PITPNM3: variants seen among roughly 807,000 people sequenced by gnomAD.
PITPNM3 encodes the protein PITPNM family member 3.
A neutral mutation model predicts 102.0 loss-of-function variants in PITPNM3; 26 were observed. The ratio of observed to expected loss-of-function variants is 0.25; its 90% CI spans 0.19 to 0.35. The LOEUF (loss-of-function observed/expected upper bound fraction) is 0.35. Ranked by LOEUF, PITPNM3 falls within the 10% of genes least tolerant of loss-of-function variation. The pLI, the probability that PITPNM3 is intolerant of heterozygous loss-of-function variation, is 1.00. For synonymous variants in PITPNM3, 578 were observed against 558.6 expected, an observed-to-expected ratio of 1.03 and a Z score of -0.49; for missense variants, 1,083 against 1,346.1, an observed-to-expected ratio of 0.80 and a Z score of 3.06.
intron 1 of PITPNM3, among the ~76,000 whole-genome samples, chr17:6,555,671 C>T (rs1015288378): frequency 6.6e-6 from 1 of 152,228 alleles, no homozygotes; most frequent in African/African-American, 2.4e-5. Flanking sequence ...AGCTCAGGGT[C>T]TGGCACAGAG....
At chr17:6,461,196 C>G (rs1014284142) in intron 18 of PITPNM3, among the ~76,000 whole-genome samples, 177 bp downstream of exon 18, 1 of 152,204 alleles carries the variant, frequency 6.6e-6, no homozygotes, top group African/African-American at 2.4e-5. Context: ...CCTCTGTCAA[C>G]GACGAGACTA....
At position 6,478,520 on chromosome 17, in the gene PITPNM3, AGAG is replaced by A. The variant is rs1253869998; in HGVS notation, c.777+24_777+26del. On this transcript the variant is annotated intron_variant, in intron 7 of 19. Coordinates refer to ENST00000262483, the MANE Select transcript of PITPNM3 (RefSeq NM_031220.4). The surrounding 1 kb of genome is among the most constrained non-coding windows in gnomAD (Gnocchi z 4.4). ...GGCCGGGGCCGGAACAGGGGAGGGG[AGAG>A]GAGGAGAGGGCAGGCTGTCCTACCT... 4 of 1,611,634 alleles carry A rather than the reference AGAG, an allele frequency of 2.5e-6. No homozygotes were observed. Among genetic ancestry groups the A allele is most frequent in the Admixed American group, 1.7e-5 (1 of 59,990 alleles).
At chr17:6,540,000 T>G (rs542924658) in intron 1 of PITPNM3, among the ~76,000 whole-genome samples, 3 of 152,224 alleles carry the variant, frequency 2.0e-5, no homozygotes, top group Non-Finnish European at 4.4e-5. Flanking sequence ...GGCTCCTCTA[T>G]GCGGTGGCCT....
Position 6,517,605 on chromosome 17 carries a change from G to T in PITPNM3, c.226+7751C>A, listed in dbSNP as rs1181062514. Among the ~76,000 whole-genome samples, 1 of 152,006 alleles carries T rather than the reference G, an allele frequency of 6.6e-6. No individual in the cohort carries two copies. The highest frequency in any genetic ancestry group is 1.5e-5 in the Non-Finnish European group (1 of 67,986). On this transcript the variant is annotated intron_variant, in intron 3 of 19. Coordinates refer to ENST00000262483, the MANE Select transcript of PITPNM3 (RefSeq NM_031220.4). The surrounding 1 kb of genome is among the most constrained non-coding windows in gnomAD (Gnocchi z 4.1). The stretch of plus-strand genomic sequence containing the variant: ...GACAGGGGCTCATTCTGTCACCCAG[G>T]CTGGGTTGCAGTGGAGCAAGCATGG...
chr17:6,504,375 G>A (rs968482170), intron 3 of PITPNM3, among the ~76,000 whole-genome samples: 2 of 152,082 alleles, frequency 1.3e-5, no homozygotes, highest in African/African-American at 4.8e-5. Flanking sequence ...AACTTCTCCA[G>A]GTGTTCATCA....
chr17:6,508,683 G>A (rs1435872284), intron 3 of PITPNM3, among the ~76,000 whole-genome samples: 3 of 152,172 alleles, frequency 2.0e-5, no homozygotes, highest in East Asian at 1.9e-4. Context: ...TGTTTGCCTC[G>A]GGCTTCGTCT....
intron 3 of PITPNM3, among the ~76,000 whole-genome samples, chr17:6,509,545 T>C (rs1907743044): frequency 1.3e-5 from 2 of 152,262 alleles, no homozygotes; most frequent in South Asian, 4.1e-4. Context: ...TTGGGAGCCC[T>C]GGCCAGGCTC....
At chr17:6,480,265 C>CAATTCCTG (rs1905584779) in intron 6 of PITPNM3, 1 of 152,326 alleles carries the variant, frequency 6.6e-6, no homozygotes, top group African/African-American at 2.4e-5. Flanking sequence ...GATCTGCCTG[C>CAATTCCTG]AATTCCTGTT....
At chr17:6,482,252 T>C (rs1179343483) in intron 6 of PITPNM3, among the ~76,000 whole-genome samples, 1 of 151,850 alleles carries the variant, frequency 6.6e-6, no homozygotes, top group East Asian at 2.0e-4. Flanking sequence ...CCCTGTTGGG[T>C]TTCCCGACTT....
chr17:6,499,483 C>T (rs535394982), intron 4 of PITPNM3, among the ~76,000 whole-genome samples: 29 of 152,178 alleles, frequency 1.9e-4, no homozygotes, highest in Admixed American at 1.5e-3. Context: ...GCAACTGAGG[C>T]AGCCGCAGGA....
chr17:6,497,641 C>T (rs919794130), intron 4 of PITPNM3, among the ~76,000 whole-genome samples: 9 of 152,216 alleles, frequency 5.9e-5, no homozygotes, highest in African/African-American at 2.2e-4. Context: ...TGTGGGAAGA[C>T]CCTCCCCGCA....
At position 6,470,430 on chromosome 17, in the gene PITPNM3, G is replaced by T; in HGVS notation, c.1625-22C>A. The stretch of plus-strand genomic sequence containing the variant: ...GTGACTGTGGGTCGGAGAGGAAGGT[G>T]AGGATGCGTGGCCGGCCCGGGGCCT... On this transcript the variant is annotated intron_variant, in intron 12 of 19. Transcript: ENST00000262483. The surrounding 1 kb of genome is among the most constrained non-coding windows in gnomAD (Gnocchi z 4.8). The T allele has an allele frequency of 6.2e-7, 1 of 1,613,962 alleles. No individual in the cohort carries two copies. Among genetic ancestry groups the T allele is most frequent in the South Asian group, 1.1e-5 (1 of 91,088 alleles).
intron 3 of PITPNM3, among the ~76,000 whole-genome samples, chr17:6,519,712 C>T (rs1409931324): frequency 6.6e-6 from 1 of 151,824 alleles, no homozygotes; most frequent in East Asian, 1.9e-4. Context: ...CGCCTGTAAT[C>T]CTGGCTATTC....
chr17:6,473,143 C>T (rs945754664), intron 10 of PITPNM3: 24 of 416,146 alleles, frequency 5.8e-5, no homozygotes, highest in Admixed American at 3.6e-5. Context: ...TTCCACGGGG[C>T]AACTCCTTTA....
intron 2 of PITPNM3, among the ~76,000 whole-genome samples, chr17:6,529,854 G>C (rs1262807898): frequency 6.6e-6 from 1 of 151,386 alleles, no homozygotes; most frequent in Non-Finnish European, 1.5e-5. Flanking sequence ...TCCTTGTGAG[G>C]GGCAGTCCCC....
Position 6,503,578 on chromosome 17 carries a change from C to A in PITPNM3, c.227-4G>T, listed in dbSNP as rs527471915. ...GTGCACGGCGCGGTCCCTTCTCCTG[C>A]AGAAAAAGAAAAGAAACATGAGCAG... On this transcript the variant is annotated splice_region_variant and splice_polypyrimidine_tract_variant and intron_variant, in intron 3 of 19. Coordinates refer to ENST00000262483, the MANE Select transcript of PITPNM3 (RefSeq NM_031220.4). 36 of 1,609,000 alleles carry A rather than the reference C, an allele frequency of 2.2e-5. No homozygotes were observed. Among genetic ancestry groups the A allele is most frequent in the Non-Finnish European group, 2.8e-5 (33 of 1,179,934 alleles).
intron 6 of PITPNM3, chr17:6,480,274 T>C (rs1905585216): frequency 6.6e-6 from 1 of 152,210 alleles, no homozygotes; most frequent in Non-Finnish European, 1.5e-5. Context: ...GCAATTCCTG[T>C]TGGTGTCCAA....
rs1427543935 is a variant in PITPNM3 at position 6,517,596 on chromosome 17, G to T, written c.226+7760C>A. On this transcript the variant is annotated intron_variant, in intron 3 of 19. Transcript: ENST00000262483. The surrounding 1 kb of genome is among the most constrained non-coding windows in gnomAD (Gnocchi z 4.1). ...TTTTTTTGAGACAGGGGCTCATTCT[G>T]TCACCCAGGCTGGGTTGCAGTGGAG... is the stretch of plus-strand genomic sequence containing the variant. 6.6e-6 allele frequency among the ~76,000 whole-genome samples: 1 copy of T among 151,500 alleles called. No homozygotes were observed. Among genetic ancestry groups the T allele is most frequent in the Non-Finnish European group, 1.5e-5 (1 of 67,898 alleles).
Position 6,483,584 on chromosome 17 carries a change from C to A in PITPNM3, c.520G>T (p.Gly174Cys). 2 of 1,613,980 alleles carry A rather than the reference C, an allele frequency of 1.2e-6. No homozygotes were observed. The highest frequency in any genetic ancestry group is 2.2e-5 in the South Asian group (2 of 91,062). The stretch of plus-strand genomic sequence containing the variant: ...GGGACGAACTTGATGAGGATGTGGC[C>A]CAGGGCAGCAGGGAAATGGGCTCGT... Reference protein sequence around the residue: ...VTRAHFPAALGHILIKFVPCP... With the variant: ...VTRAHFPAALCHILIKFVPCP... Residue 174 changes from glycine (G) to cysteine (C), a missense_variant, in exon 6 of 20, where the codon GGC (glycine) becomes TGC (cysteine). By Grantham distance (159) the Gly-to-Cys change is radical (BLOSUM62 -3). Around this residue, in one of 5 missense-constraint regions of PITPNM3, gnomAD observed 290 missense variants for 337.8 expected, o/e 0.86. Coordinates refer to ENST00000262483, the MANE Select transcript of PITPNM3 (RefSeq NM_031220.4).
Sources: allele counts gnomAD v4.1 joint callset (sites outside exome capture counted in the v4.1 genomes callset), GRCh38; gene constraint gnomAD v4.1.1; regional missense constraint gnomAD v4.1.1; non-coding constraint Gnocchi (gnomAD v3.1); transcripts MANE v1.5; gene names NCBI Gene and HGNC (gene_info 2026-07-23, HGNC 2026-07-21).